Variants in HSD3B2 observed in about 807,000 individuals in gnomAD.
HSD3B2 encodes 3 beta-hydroxysteroid dehydrogenase/Delta 5-->4-isomerase type 2.
A neutral mutation model predicts 9.9 loss-of-function variants in HSD3B2; 8 were observed. The observed-to-expected ratio is 0.81, with a 90% CI of 0.47 to 1.46. HSD3B2 has a LOEUF of 1.46. HSD3B2 is among the 40% of genes most tolerant of loss of function. The pLI, the probability that HSD3B2 is intolerant of heterozygous loss-of-function variation, is 0.00. For missense variants in HSD3B2, 410 were observed against 448.3 expected (o/e 0.91, Z 0.77); for synonymous variants, 221 against 184.5 (o/e 1.20, Z -1.60).
At chr1:119,419,689 G>A in intron 3 of HSD3B2, 107 bp downstream of exon 3, 1 of 1,125,084 alleles carries the variant, frequency 8.9e-7, no homozygotes, top group Non-Finnish European at 1.3e-6. Context: ...CTGAGCTCTT[G>A]GCCAAGTGCC....
intron 3 of HSD3B2, among the ~76,000 whole-genome samples, chr1:119,420,791 G>A (rs1651836476): frequency 2.0e-5 from 3 of 152,296 alleles, no homozygotes; most frequent in Admixed American, 2.0e-4. Flanking sequence ...CATGAGCTTT[G>A]CTTCCACACA....
chr1:119,418,578 G>T (rs899797692), intron 2 of HSD3B2, among the ~76,000 whole-genome samples: 19 of 151,624 alleles, frequency 1.3e-4, no homozygotes, highest in East Asian at 1.2e-3. Flanking sequence ...CTCAAGCCAA[G>T]GTAAACTTCC....
At chr1:119,415,596 T>G (rs1651683740) in intron 2 of HSD3B2, 35 bp downstream of exon 2, 1 of 1,610,670 alleles carries the variant, frequency 6.2e-7, no homozygotes, top group Non-Finnish European at 8.5e-7. Flanking sequence ...TGTGGCTCCA[T>G]CTTAAACTCT....
At chr1:119,419,394 A>C (rs201268011) in intron 2 of HSD3B2, 24 bp from the exon 3 acceptor site, 7 of 1,613,348 alleles carry the variant, frequency 4.3e-6, no homozygotes, top group Non-Finnish European at 5.9e-6. Context: ...AATCTTTCCA[A>C]TGACCTGACC....
intron 3 of HSD3B2, among the ~76,000 whole-genome samples, chr1:119,421,149 A>G (rs1651844747): frequency 1.3e-5 from 2 of 151,886 alleles, no homozygotes; most frequent in African/African-American, 2.4e-5. Flanking sequence ...TATATTGCCT[A>G]TATTCAACTG....
chr1:119,416,916 T>C (rs1384656928), intron 2 of HSD3B2, among the ~76,000 whole-genome samples: 2 of 152,194 alleles, frequency 1.3e-5, no homozygotes, highest in African/African-American at 4.8e-5. Flanking sequence ...AGTTCTGCTA[T>C]GGTGAAAATG....
chr1:119,417,716 A>G (rs587771324), intron 2 of HSD3B2, among the ~76,000 whole-genome samples: 1 of 152,344 alleles, frequency 6.6e-6, no homozygotes, highest in Non-Finnish European at 1.5e-5. Context: ...TGAATTTTTC[A>G]TTCTGAATTT....
In HSD3B2 at chr1:119,422,251, T is replaced by C. The variant is rs755461071; in HGVS notation, c.750T>C (p.Gly250=). 1.2e-4 allele frequency: 194 copies of C among 1,613,864 alleles called. No individual in the cohort carries two copies. Among genetic ancestry groups the C allele is most frequent in the Admixed American group, 3.3e-4 (20 of 59,974 alleles). Reference sequence around the variant, plus strand: ...CCAAGAAGGCCCCAAGTGTCCGAGGTCAATTCTATTACATCTCAGATGACA... The same window carrying C: ...CCAAGAAGGCCCCAAGTGTCCGAGGCCAATTCTATTACATCTCAGATGACA... ...RDPKKAPSVR[G]QFYYISDDTP... is the part of the protein sequence containing the mutation. The change falls in exon 4 of 4, where the codon GGT becomes GGC. Residue 250 remains glycine, a synonymous_variant. Transcript: ENST00000369416.
At chr1:119,421,468 TA>T (rs1651869622) in intron 3 of HSD3B2, among the ~76,000 whole-genome samples, 1 of 4,664 alleles carries the variant, frequency 2.1e-4, no homozygotes, top group Admixed American at 2.5e-3. Context: ...TATATATGTA[TA>T]TATATATGTA....
intron 2 of HSD3B2, among the ~76,000 whole-genome samples, chr1:119,417,962 C>G (rs773814042): frequency 6.6e-6 from 1 of 152,146 alleles, no homozygotes; most frequent in Non-Finnish European, 1.5e-5. Context: ...GAATACCTAC[C>G]TCACGAGATA....
At chr1:119,420,410 G>A (rs1311307556) in intron 3 of HSD3B2, among the ~76,000 whole-genome samples, 1 of 151,720 alleles carries the variant, frequency 6.6e-6, no homozygotes, top group Non-Finnish European at 1.5e-5. Context: ...CTCCAGCACT[G>A]TCTAAAAAAA....
intron 3 of HSD3B2, chr1:119,420,037 C>T (rs1651818964): frequency 4.2e-6 from 1 of 236,024 alleles, no homozygotes; most frequent in African/African-American, 2.3e-5. Flanking sequence ...CAGAGTCTTC[C>T]TGCCCACCTC....
rs371712928 is a variant in HSD3B2, at chr1:119,421,801, G to C, written c.308-8G>C. ...TCCTGACACTGTCATCATGCTCTTC[G>C]TGGGCAGGTACCCAGCTACTGTTGG... is the stretch of plus-strand genomic sequence containing the variant. On this transcript the variant is annotated splice_polypyrimidine_tract_variant and splice_region_variant and intron_variant, in intron 3 of 3. Transcript: ENST00000369416. The C allele has an allele frequency of 8.7e-6, 14 of 1,613,458 alleles. No homozygotes were observed. The highest frequency in any genetic ancestry group is 1.1e-5 in the Non-Finnish European group (13 of 1,179,722).
chr1:119,423,028 ACAT>A lies in HSD3B2; in HGVS notation c.*409_*411del, dbSNP rs1243081423. On this transcript the variant is annotated 3_prime_UTR_variant, in exon 4 of 4. Coordinates refer to ENST00000369416, the MANE Select transcript of HSD3B2 (RefSeq NM_000198.4). ...AGAGCAATAAATGTTTTAATGCTTA[ACAT>A]GGAGAGAAGCATGGTTTCTGTTAAT... is the stretch of plus-strand genomic sequence containing the variant. 6.5e-6 allele frequency: 2 copies of A among 306,462 alleles called. No individual in the cohort carries two copies. Among genetic ancestry groups the A allele is most frequent in the African/African-American group, 4.3e-5 (2 of 46,564 alleles). The allele number at this position is 306,462 out of a possible 1,614,324, so 19.0% of individuals were successfully genotyped here. A position where few individuals can be genotyped will look rare whatever the true frequency, so the allele number is the denominator to read the frequency against.
chr1:119,422,744 A>G lies in HSD3B2; in HGVS notation c.*124A>G, dbSNP rs1252787619. 8.9e-7 allele frequency: 1 copy of G among 1,127,592 alleles called. No homozygotes were observed. 69.8% of individuals were successfully genotyped at this position (1,127,592 alleles called of 1,614,324 possible). The stretch of plus-strand genomic sequence containing the variant: ...AGGTCCTGCTGCCTCTCTTTCACAC[A>G]ATGCCCAACTTACTGTCTTCTTCAT... On this transcript the variant is annotated 3_prime_UTR_variant, in exon 4 of 4. Transcript: ENST00000369416.
chr1:119,422,290 C>A lies in HSD3B2; in HGVS notation c.789C>A (p.Ser263Arg). The A allele has an allele frequency of 6.2e-7, 1 of 1,614,122 alleles. No individual in the cohort carries two copies. Among genetic ancestry groups the A allele is most frequent in the Non-Finnish European group, 8.5e-7 (1 of 1,180,000 alleles). Residue 263 changes from serine (S) to arginine (R), a missense_variant, in exon 4 of 4, where the codon AGC becomes AGA. Ser to Arg is a moderately radical substitution (Grantham distance 110). Transcript: ENST00000369416. ...YYISDDTPHQ[S>R]YDNLNYILSK... ...TCTCAGATGACACGCCTCACCAAAG[C>A]TATGATAACCTTAATTACATCCTGA...
chr1:119,422,109 A>T lies in HSD3B2; in HGVS notation c.608A>T (p.Glu203Val). 6.2e-7 allele frequency: 1 copy of T among 1,614,116 alleles called. No individual in the cohort carries two copies. The highest frequency in any genetic ancestry group is 1.3e-5 in the African/African-American group (1 of 75,044). ...CCATTCCTTTCTGCCAGTATAAATG[A>T]GGCCCTGAACAACAATGGGATCCTG... ...GGPFLSASIN[E>V]ALNNNGILSS... is the part of the protein sequence containing the mutation. Residue 203 changes from glutamate to valine, a missense_variant, in exon 4 of 4, where the codon GAG becomes GTG. By Grantham distance (121) the Glu-to-Val change is moderately radical. Coordinates refer to ENST00000369416, the MANE Select transcript of HSD3B2 (RefSeq NM_000198.4).
intron 2 of HSD3B2, among the ~76,000 whole-genome samples, chr1:119,416,243 C>A (rs753784048): frequency 6.6e-6 from 1 of 152,016 alleles, no homozygotes; most frequent in African/African-American, 2.4e-5. Flanking sequence ...GTGCACGGCA[C>A]AGAGCAGAGA....
chr1:119,420,607 TC>T (rs1474012377), intron 3 of HSD3B2, among the ~76,000 whole-genome samples: 1 of 151,980 alleles, frequency 6.6e-6, no homozygotes, highest in East Asian at 1.9e-4. Flanking sequence ...CCATTATCAC[TC>T]CCGGGCTTAG....
Sources: gnomAD v4.1 joint callset for allele counts (sites outside exome capture counted in the v4.1 genomes callset) on GRCh38, gnomAD v4.1.1 for gene constraint, MANE v1.5 for transcripts, NCBI Gene and HGNC (gene_info 2026-07-23, HGNC 2026-07-21) for gene names.